Variants in ACCSL observed in about 807,000 individuals in gnomAD.
The protein encoded by ACCSL is 1-aminocyclopropane-1-carboxylate synthase homolog (inactive) like.
A neutral mutation model predicts 61.7 loss-of-function variants in ACCSL; 55 were observed. The ratio of observed to expected loss-of-function variants is 0.89; its 90% CI spans 0.72 to 1.12. The LOEUF (loss-of-function observed/expected upper bound fraction) is 1.12. Among genes scored for constraint, ACCSL ranks in the 50% most tolerant of loss-of-function variants. ACCSL has a pLI of 0.00. For missense variants in ACCSL, 632 were observed against 698.0 expected, an observed-to-expected ratio of 0.91 and a Z score of 1.07; for synonymous variants, 258 against 264.3, an observed-to-expected ratio of 0.98 and a Z score of 0.23.
the ACCSL span, among the ~76,000 whole-genome samples, chr11:43,988,775 G>A: frequency 6.7e-6 from 1 of 149,480 alleles, no homozygotes; most frequent in African/African-American, 2.5e-5. Flanking sequence ...TCTAATCCTA[G>A]GAGACCATTT....
chr11:43,974,966 G>A, the ACCSL span, among the ~76,000 whole-genome samples: 61 of 152,256 alleles, frequency 4.0e-4, no homozygotes, highest in Middle Eastern at 6.8e-3. Context: ...CACTAATTTT[G>A]GTGTAATTTG....
the ACCSL span, among the ~76,000 whole-genome samples, chr11:43,942,071 T>C: frequency 0.067 from 9,399 of 140,476 alleles, 399 homozygotes; most frequent in East Asian, 0.11. Flanking sequence ...TGTGTGTGTG[T>C]GTGTGCGCGC....
At chr11:44,040,586 G>A in the ACCSL span, among the ~76,000 whole-genome samples, 1 of 152,160 alleles carries the variant, frequency 6.6e-6, no homozygotes, top group Non-Finnish European at 1.5e-5. Context: ...ATTCAGTGAG[G>A]AGGGCGGCAG....
At chr11:44,053,310 C>T (rs1391670822) in intron 7 of ACCSL, 96 bp from the exon 8 acceptor site, 1 of 1,231,548 alleles carries the variant, frequency 8.1e-7, no homozygotes, top group Admixed American at 1.8e-5. Flanking sequence ...CCTACCTAGG[C>T]CTTTTTGGGT....
chr11:43,938,251 C>T, the ACCSL span, among the ~76,000 whole-genome samples: 2 of 152,188 alleles, frequency 1.3e-5, no homozygotes, highest in Admixed American at 6.5e-5. Context: ...TGGCTTTGCC[C>T]TTCAACATTG....
At chr11:44,022,743 G>T in the ACCSL span, among the ~76,000 whole-genome samples, 1 of 152,148 alleles carries the variant, frequency 6.6e-6, no homozygotes, top group Non-Finnish European at 1.5e-5. Flanking sequence ...AAGTTTGCAA[G>T]TATTTTGTTG....
the ACCSL span, among the ~76,000 whole-genome samples, chr11:44,033,543 C>T: frequency 0.033 from 5,090 of 152,260 alleles, 128 homozygotes; most frequent in Middle Eastern, 0.1. Context: ...CCCCAGCATG[C>T]CCAGGGCTGA....
In ACCSL at chr11:44,056,094, T is replaced by C. The variant is rs373089566; in HGVS notation, c.1185+9T>C. ...TCTGGGGTACCAGTAAGGTGAGCCATTGCTTTCTCTCCTTGGCTAGGGAAG... is the reference window on the plus strand; with the variant it reads ...TCTGGGGTACCAGTAAGGTGAGCCACTGCTTTCTCTCCTTGGCTAGGGAAG... On this transcript the variant is annotated intron_variant, in intron 10 of 13. Coordinates refer to ENST00000378832, the MANE Select transcript of ACCSL (RefSeq NM_001031854.2). 185 of 1,614,218 alleles carry C rather than the reference T, an allele frequency of 1.1e-4. No homozygotes were observed. In the African/African-American group the frequency reaches 1.9e-3, roughly 17 times the overall value.
chr11:43,989,581 G>A, the ACCSL span, among the ~76,000 whole-genome samples: 10 of 152,108 alleles, frequency 6.6e-5, no homozygotes, highest in Admixed American at 2.0e-4. Context: ...TCCCTTCCTC[G>A]TGGTCTGGAC....
chr11:44,024,406 T>A, the ACCSL span, among the ~76,000 whole-genome samples: 1 of 148,958 alleles, frequency 6.7e-6, no homozygotes, highest in Admixed American at 6.9e-5. Flanking sequence ...TCTTCTCCCA[T>A]GTATATCTCT....
chr11:43,943,489 C>G, the ACCSL span: 2 of 1,388,326 alleles, frequency 1.4e-6, no homozygotes, highest in Non-Finnish European at 1.9e-6. The surrounding 1 kb of genome is among the most constrained non-coding windows in gnomAD (Gnocchi z 4.8). Flanking sequence ...GGGCCGCTTT[C>G]CTCGTCCTTG....
chr11:43,994,982 C>A, the ACCSL span: 1 of 152,060 alleles, frequency 6.6e-6, no homozygotes, highest in East Asian at 1.9e-4. Flanking sequence ...GGGTTGAGAC[C>A]ACTGATTTAG....
In ACCSL at chr11:44,048,467, TC is replaced by T; in HGVS notation, c.432del (p.Tyr146IlefsTer39). The T allele has an allele frequency of 6.2e-7, 1 of 1,611,996 alleles. No homozygotes were observed. The highest frequency in any genetic ancestry group is 8.5e-7 in the Non-Finnish European group (1 of 1,179,870). On this transcript the variant is annotated frameshift_variant, in exon 1 of 14. Coordinates refer to ENST00000378832, the MANE Select transcript of ACCSL (RefSeq NM_001031854.2). LOFTEE classifies it high-confidence loss of function. ...DLSIRGIDISVFYQSSFQDYN... is the reference protein window; with the variant it reads ...DLSIRGIDISXFYQSSFQDYN... ...TCCATCCGTGGGATTGACATCTCTG[TC>T]TTTTATCAGTCGAGCTTCCAGGACT...
At chr11:44,012,171 A>G in the ACCSL span, among the ~76,000 whole-genome samples, 2 of 152,156 alleles carry the variant, frequency 1.3e-5, no homozygotes, top group Non-Finnish European at 2.9e-5. Context: ...TTGGCTCTCA[A>G]TAGAGGTTCC....
the ACCSL span, among the ~76,000 whole-genome samples, chr11:44,005,569 G>A: frequency 7.0e-4 from 106 of 152,200 alleles, 1 homozygote; most frequent in African/African-American, 2.5e-3. Context: ...AATGCACAGC[G>A]GGTTTGGGGC....
chr11:44,019,405 G>A, the ACCSL span, among the ~76,000 whole-genome samples: 1 of 152,130 alleles, frequency 6.6e-6, no homozygotes, highest in Non-Finnish European at 1.5e-5. Context: ...AGCGTATGAA[G>A]GTTCTGATTT....
chr11:43,993,422 G>A, the ACCSL span, among the ~76,000 whole-genome samples: 1 of 152,118 alleles, frequency 6.6e-6, no homozygotes, highest in Admixed American at 6.5e-5. Context: ...TCCAGAAGTG[G>A]GCTGAGCTGT....
chr11:43,954,190 A>G, the ACCSL span, among the ~76,000 whole-genome samples: 1 of 152,088 alleles, frequency 6.6e-6, no homozygotes, highest in Non-Finnish European at 1.5e-5. Flanking sequence ...AGATGAGCAA[A>G]TGTGTTTTGT....
At chr11:43,943,798 G>A in the ACCSL span, 2 of 1,303,250 alleles carry the variant, frequency 1.5e-6, no homozygotes, top group South Asian at 2.5e-5. This position sits in a 1 kb window ranked among gnomAD's most constrained non-coding sequence, Gnocchi z 4.8. Flanking sequence ...ATGGCTGAAG[G>A]CATTTATTTA....
Sources: gnomAD v4.1 joint callset for allele counts (sites outside exome capture counted in the v4.1 genomes callset) on GRCh38, gnomAD v4.1.1 for gene constraint, Gnocchi (gnomAD v3.1) non-coding constraint, MANE v1.5 for transcripts, NCBI Gene and HGNC (gene_info 2026-07-23, HGNC 2026-07-21) for gene names.